Variants in EXTL1 observed in about 807,000 individuals in gnomAD.
EXTL1 encodes exostosin-like 1.
EXTL1 carries 43 observed loss-of-function variants against 64.6 expected under a neutral mutation model. The ratio of observed to expected loss-of-function variants is 0.67; its 90% CI spans 0.52 to 0.86. EXTL1 has a LOEUF of 0.86. EXTL1 is among the 40% of genes least tolerant of loss of function. EXTL1 has a pLI of 0.00. For missense variants in EXTL1, 766 were observed against 879.0 expected (o/e 0.87, Z 1.62); for synonymous variants, 352 against 360.5 (o/e 0.98, Z 0.27).
At position 26,023,290 on chromosome 1, in the gene EXTL1, T is replaced by G. The variant is rs753911258; in HGVS notation, c.644T>G (p.Leu215Arg). ...HPLRGGAPGQ[L>R]RQHSPQPGVA... The stretch of plus-strand genomic sequence containing the variant: ...TTGCGAGGTGGGGCTCCTGGCCAGC[T>G]GCGGCAACACAGCCCCCAGCCCGGG... The change falls in exon 1 of 11, where the codon CTG becomes CGG. Residue 215 changes from leucine to arginine, a missense_variant. By Grantham distance (102) the Leu-to-Arg change is moderately radical (BLOSUM62 -2). This residue lies in a region of EXTL1 where 571 missense variants were observed against 647.6 expected (regional missense o/e 0.88). Transcript: ENST00000374280. 2.5e-6 allele frequency: 4 copies of G among 1,572,720 alleles called. No individual in the cohort carries two copies. Among genetic ancestry groups the G allele is most frequent in the Non-Finnish European group, 1.7e-6 (2 of 1,155,636 alleles).
At position 26,022,565 on chromosome 1, in the gene EXTL1, TG is replaced by T; in HGVS notation, c.-80del. On this transcript the variant is annotated 5_prime_UTR_variant, in exon 1 of 11. Transcript: ENST00000374280. ...AGGACTAGCAGGTCGGTCCCAGCTC[TG>T]GTCTCCCGCCCCAGGCCCTGCTCTT... 1 of 1,226,290 alleles carries T rather than the reference TG, an allele frequency of 8.2e-7. No individual in the cohort carries two copies. Among genetic ancestry groups the T allele is most frequent in the African/African-American group, 1.5e-5 (1 of 66,088 alleles). 76.0% of individuals were successfully genotyped at this position (1,226,290 alleles called of 1,614,324 possible). A position where few individuals can be genotyped will look rare whatever the true frequency, so the allele number is the denominator to read the frequency against.
At position 26,032,381 on chromosome 1, in the gene EXTL1, C is replaced by G. The variant is rs568333532; in HGVS notation, c.1342-15C>G. Reference sequence around the variant, plus strand: ...CCCAGATCCCAGACTTCAAGAACAACCCCCTATCCTCTAGATCTTGGTTCT... The same window carrying G: ...CCCAGATCCCAGACTTCAAGAACAAGCCCCTATCCTCTAGATCTTGGTTCT... On this transcript the variant is annotated splice_polypyrimidine_tract_variant and intron_variant, in intron 6 of 10. Transcript: ENST00000374280. 11 of 1,545,212 alleles carry G rather than the reference C, an allele frequency of 7.1e-6. No individual in the cohort carries two copies. The highest frequency in any genetic ancestry group is 9.6e-6 in the Non-Finnish European group (11 of 1,140,896).
chr1:26,031,436 ATAGCC>A lies in EXTL1; in HGVS notation c.1235-22_1235-18del. 6.9e-7 allele frequency: 1 copy of A among 1,444,750 alleles called. No homozygotes were observed. The highest frequency in any genetic ancestry group is 2.4e-5 in the East Asian group (1 of 41,216). 89.5% of individuals were successfully genotyped at this position (1,444,750 alleles called of 1,614,324 possible). On this transcript the variant is annotated intron_variant, in intron 5 of 10. Transcript: ENST00000374280. ...TGGGGTTCTGTTCCCTCCCACTCTA[ATAGCC>A]TGTGTCTCATTCCCCCAGGCTCCCG...
chr1:26,035,051 G>T lies in EXTL1; in HGVS notation c.1848+47G>T. The T allele has an allele frequency of 6.2e-7, 1 of 1,607,218 alleles. No homozygotes were observed. The highest frequency in any genetic ancestry group is 1.1e-5 in the South Asian group (1 of 90,688). On this transcript the variant is annotated intron_variant, in intron 10 of 10. Transcript: ENST00000374280. This position sits in a 1 kb window ranked among gnomAD's most constrained non-coding sequence, Gnocchi z 5.3. ...TCGGAACTGGCAGGGATTGGGCGGG[G>T]ATGCCGGAGAGGATTCCCTCTCACT...
chr1:26,035,348 G>GC lies in EXTL1; in HGVS notation c.*1_*2insC. On this transcript the variant is annotated 3_prime_UTR_variant, in exon 11 of 11. Coordinates refer to ENST00000374280, the MANE Select transcript of EXTL1 (RefSeq NM_004455.3). The surrounding 1 kb of genome is among the most constrained non-coding windows in gnomAD (Gnocchi z 5.3). ...GTACCGCAGCCTGGAGAAGCCCTAG[G>GC]GGGGCGACCCGCGGAGACCCCAGCA... 1 of 1,599,938 alleles carries GC rather than the reference G, an allele frequency of 6.3e-7. No individual in the cohort carries two copies. The highest frequency in any genetic ancestry group is 8.5e-7 in the Non-Finnish European group (1 of 1,170,514).
At position 26,035,479 on chromosome 1, in the gene EXTL1, C is replaced by G. The variant is rs1481050489; in HGVS notation, c.*132C>G. The G allele has an allele frequency of 2.5e-6, 2 of 811,190 alleles. No individual in the cohort carries two copies. The highest frequency in any genetic ancestry group is 3.0e-5 in the Admixed American group (1 of 33,782). 50.2% of individuals were successfully genotyped at this position (811,190 alleles called of 1,614,324 possible). A position where few individuals can be genotyped will look rare whatever the true frequency, so the allele number is the denominator to read the frequency against. ...AGCCAGCGGGCCCACACGTCGGACCCCGGTTGGCCAATCACAACAGGGGGG... is the reference window on the plus strand; with the variant it reads ...AGCCAGCGGGCCCACACGTCGGACCGCGGTTGGCCAATCACAACAGGGGGG... On this transcript the variant is annotated 3_prime_UTR_variant, in exon 11 of 11. Coordinates refer to ENST00000374280, the MANE Select transcript of EXTL1 (RefSeq NM_004455.3). This position sits in a 1 kb window ranked among gnomAD's most constrained non-coding sequence, Gnocchi z 5.3.
rs144966041 is a variant in EXTL1 at position 26,035,578 on chromosome 1, C to A, written c.*231C>A. The A allele has an allele frequency of 5.6e-4, 249 of 448,256 alleles. No individual in the cohort carries two copies. The highest frequency in any genetic ancestry group is 7.6e-4 in the Non-Finnish European group (191 of 251,804). The allele number at this position is 448,256 out of a possible 1,614,324, so 27.8% of individuals were successfully genotyped here. On this transcript the variant is annotated 3_prime_UTR_variant, in exon 11 of 11. Coordinates refer to ENST00000374280, the MANE Select transcript of EXTL1 (RefSeq NM_004455.3). The surrounding 1 kb of genome is among the most constrained non-coding windows in gnomAD (Gnocchi z 5.3). ...AGGCTGAGCCCCGCGACCGGAGCGC[C>A]GCTCTCCGCTTCTCCACCCAGCTAA...
chr1:26,026,935 T>C (rs935643915), intron 1 of EXTL1, among the ~76,000 whole-genome samples: 15 of 152,226 alleles, frequency 9.9e-5, no homozygotes, highest in African/African-American at 2.9e-4. Flanking sequence ...TCTCTACTTA[T>C]TTCCCTTTAC....
In EXTL1 at chr1:26,034,883, C is replaced by A. The variant is rs200464384; in HGVS notation, c.1727C>A (p.Thr576Asn). The change falls in exon 10 of 11, where the codon ACC becomes AAC. Residue 576 changes from threonine (T) to asparagine (N), a missense_variant. By Grantham distance (65) the Thr-to-Asn change is moderately conservative (BLOSUM62 0). This residue lies in a region of EXTL1 where 194 missense variants were observed against 214.5 expected (regional missense o/e 0.90). Coordinates refer to ENST00000374280, the MANE Select transcript of EXTL1 (RefSeq NM_004455.3). This position sits in a 1 kb window ranked among gnomAD's most constrained non-coding sequence, Gnocchi z 4.6. ...FTHSLPKALR[T>N]LADEAPTCVD... Reference sequence around the variant, plus strand: ...CACTCCCTGCCCAAGGCTCTGAGGACCCTGGCAGATGAGGCACCCACCTGT... The same window carrying A: ...CACTCCCTGCCCAAGGCTCTGAGGAACCTGGCAGATGAGGCACCCACCTGT... 13 of 1,614,172 alleles carry A rather than the reference C, an allele frequency of 8.1e-6. No homozygotes were observed. The highest frequency in any genetic ancestry group is 2.5e-6 in the Non-Finnish European group (3 of 1,180,022).
At position 26,031,283 on chromosome 1, in the gene EXTL1, A is replaced by G; in HGVS notation, c.1234+19A>G. 6.2e-7 allele frequency: 1 copy of G among 1,611,546 alleles called. No individual in the cohort carries two copies. The highest frequency in any genetic ancestry group is 1.3e-5 in the African/African-American group (1 of 74,890). ...CAACAGGGTATGCCCTGGGGATGGG[A>G]CAACCTGAAGTCCCCTCAGCTCTAC... On this transcript the variant is annotated intron_variant, in intron 5 of 10. Coordinates refer to ENST00000374280, the MANE Select transcript of EXTL1 (RefSeq NM_004455.3).
Position 26,031,194 on chromosome 1 carries a change from A to G in EXTL1, c.1164A>G (p.Pro388=). ...CCTCACTGCTGTGGAACAGCCCCCC[A>G]GGGGCACTCCTGGCCCTGTCTACTT... ...AHPSLLWNSP[P]GALLALSTFS... The change falls in exon 5 of 11, where the codon CCA becomes CCG. Residue 388 remains proline, a synonymous_variant. Coordinates refer to ENST00000374280, the MANE Select transcript of EXTL1 (RefSeq NM_004455.3). The G allele has an allele frequency of 6.2e-7, 1 of 1,613,800 alleles. No individual in the cohort carries two copies. Among genetic ancestry groups the G allele is most frequent in the East Asian group, 2.2e-5 (1 of 44,878 alleles).
At position 26,023,051 on chromosome 1, in the gene EXTL1, C is replaced by T; in HGVS notation, c.405C>T (p.Leu135=). Residue 135 remains leucine (L), a synonymous_variant, in exon 1 of 11, where the codon CTC becomes CTT. Coordinates refer to ENST00000374280, the MANE Select transcript of EXTL1 (RefSeq NM_004455.3). ...GCCCTGCTGGGGCCTGCCTCCTCCTCCTCCTCAGCCTGGACGCCCAGACTG... is the reference window on the plus strand; with the variant it reads ...GCCCTGCTGGGGCCTGCCTCCTCCTTCTCCTCAGCCTGGACGCCCAGACTG... ...TFSPAGACLL[L]LLSLDAQTGE... is the part of the protein sequence containing the mutation. 6.2e-7 allele frequency: 1 copy of T among 1,613,900 alleles called. No individual in the cohort carries two copies. The highest frequency in any genetic ancestry group is 8.5e-7 in the Non-Finnish European group (1 of 1,179,924).
rs202215506 is a variant in EXTL1 at position 26,035,197 on chromosome 1, G to T, written c.1881G>T (p.Pro627=). The change falls in exon 11 of 11, where the codon CCG becomes CCT. Residue 627 remains proline (P), a synonymous_variant. Transcript: ENST00000374280. This position sits in a 1 kb window ranked among gnomAD's most constrained non-coding sequence, Gnocchi z 5.3. ...GGGGCCCGGGGCCCAGGCCAAAGCC[G>T]CCTGCCCCAGCCCCCGACTGCATCA... is the stretch of plus-strand genomic sequence containing the variant. The part of the protein sequence containing the change: ...APGGPGPRPK[P]PAPAPDCINQ... 17 of 1,610,906 alleles carry T rather than the reference G, an allele frequency of 1.1e-5. No homozygotes were observed. The highest frequency in any genetic ancestry group is 4.0e-5 in the African/African-American group (3 of 74,852).
In EXTL1 at chr1:26,029,841, C is replaced by T. The variant is rs2050263056; in HGVS notation, c.981+134C>T. The T allele has an allele frequency of 1.4e-5, 9 of 629,134 alleles. 1 individual carries two copies. In the East Asian group the frequency reaches 2.5e-4, roughly 18 times the overall value. The allele number at this position is 629,134 out of a possible 1,614,324, so 39.0% of individuals were successfully genotyped here. A position where few individuals can be genotyped will look rare whatever the true frequency, so the allele number is the denominator to read the frequency against. On this transcript the variant is annotated intron_variant, in intron 3 of 10. Transcript: ENST00000374280. The stretch of plus-strand genomic sequence containing the variant: ...GGATACTGGTGAATTTCTCCTAGCA[C>T]CAAGTCTCCCCTCTGGGGCTCCCAG...
At chr1:26,032,553 G>C in intron 7 of EXTL1, 68 bp downstream of exon 7, 4 of 1,241,060 alleles carry the variant, frequency 3.2e-6, no homozygotes, top group Non-Finnish European at 4.6e-6. Context: ...CACCCATGGG[G>C]TGTTTTATGA....
intron 7 of EXTL1, 76 bp downstream of exon 7, chr1:26,032,561 T>C (rs2050299407): frequency 8.6e-7 from 1 of 1,158,936 alleles, no homozygotes; most frequent in African/African-American, 1.5e-5. Flanking sequence ...GGGTGTTTTA[T>C]GAATACTTGG....
At chr1:26,032,629 T>C (rs188714585) in intron 7 of EXTL1, 144 bp downstream of exon 7, 12 of 612,006 alleles carry the variant, frequency 2.0e-5, no homozygotes, top group Admixed American at 8.7e-5. Flanking sequence ...ACAGGGCTAA[T>C]AGTAATGATT....
Position 26,035,370 on chromosome 1 carries a change from A to G in EXTL1, c.*23A>G. 1 of 1,579,054 alleles carries G rather than the reference A, an allele frequency of 6.3e-7. No homozygotes were observed. Among genetic ancestry groups the G allele is most frequent in the Non-Finnish European group, 8.6e-7 (1 of 1,157,788 alleles). ...TAGGGGGGCGACCCGCGGAGACCCC[A>G]GCAGAGGTCGCAGCCCAGCTCCCAG... On this transcript the variant is annotated 3_prime_UTR_variant, in exon 11 of 11. Transcript: ENST00000374280. The surrounding 1 kb of genome is among the most constrained non-coding windows in gnomAD (Gnocchi z 5.3).
In EXTL1 at chr1:26,034,103, G is replaced by A. The variant is rs1388048200; in HGVS notation, c.1679+247G>A. Among the ~76,000 whole-genome samples, 2 of 152,254 alleles carry A rather than the reference G, an allele frequency of 1.3e-5. No individual in the cohort carries two copies. Among genetic ancestry groups the A allele is most frequent in the Non-Finnish European group, 2.9e-5 (2 of 68,050 alleles). On this transcript the variant is annotated intron_variant, in intron 9 of 10. Coordinates refer to ENST00000374280, the MANE Select transcript of EXTL1 (RefSeq NM_004455.3). This position sits in a 1 kb window ranked among gnomAD's most constrained non-coding sequence, Gnocchi z 4.6. ...CATTAAATGAAGTCCCTGGCACAGA[G>A]GTTCCACAAATGGTAGCTATTGTTA...
Sources: gnomAD v4.1 joint callset for allele counts (sites outside exome capture counted in the v4.1 genomes callset) on GRCh38, gnomAD v4.1.1 for gene constraint, gnomAD v4.1.1 regional missense constraint, Gnocchi (gnomAD v3.1) non-coding constraint, MANE v1.5 for transcripts, NCBI Gene and HGNC (gene_info 2026-07-23, HGNC 2026-07-21) for gene names.